MGAT5: variants seen among roughly 807,000 people sequenced by gnomAD.
MGAT5 encodes alpha-1,6-mannosylglycoprotein 6-beta-N-acetylglucosaminyltransferase.
A neutral mutation model predicts 94.3 loss-of-function variants in MGAT5; 30 were observed. That is an observed-to-expected ratio of 0.32 (90% CI 0.24 to 0.43). The LOEUF (loss-of-function observed/expected upper bound fraction) is 0.43. MGAT5 is among the 20% of genes least tolerant of loss of function. MGAT5 has a pLI of 1.00. For missense variants in MGAT5, 691 were observed against 905.5 expected (o/e 0.76, Z 3.04); for synonymous variants, 310 against 322.9 (o/e 0.96, Z 0.43).
At position 134,453,972 on chromosome 2, in the gene MGAT5, GACT is replaced by G. The variant is rs1184247707; in HGVS notation, c.*5126_*5128del. Reference sequence around the variant, plus strand: ...GGTGTGGAATTTGCTGGAGTTTGGTGACTTCGTCAAATTCCTTTGGATTCTGTT... The same window carrying G: ...GGTGTGGAATTTGCTGGAGTTTGGTGTCGTCAAATTCCTTTGGATTCTGTT... On this transcript the variant is annotated 3_prime_UTR_variant, in exon 16 of 16. Transcript: ENST00000281923. The G allele has an allele frequency of 1.3e-5, 2 of 152,200 alleles. No homozygotes were observed. The highest frequency in any genetic ancestry group is 4.8e-5 in the African/African-American group (2 of 41,442). The allele number at this position is 152,200 out of a possible 1,614,324, so 9.4% of individuals were successfully genotyped here.
At chr2:134,183,678 G>A (rs886747342) in intron 1 of MGAT5, among the ~76,000 whole-genome samples, 7 of 152,206 alleles carry the variant, frequency 4.6e-5, no homozygotes, top group African/African-American at 1.7e-4. Context: ...CCTTTGTAAT[G>A]TGGAACTGTT....
At chr2:134,427,192 G>A (rs568985276) in intron 13 of MGAT5, among the ~76,000 whole-genome samples, 10 of 152,294 alleles carry the variant, frequency 6.6e-5, no homozygotes, top group Non-Finnish European at 1.3e-4. Flanking sequence ...TCTCCACCCT[G>A]TAGATCCCAG....
intron 1 of MGAT5, among the ~76,000 whole-genome samples, chr2:134,166,715 G>T (rs536822683): frequency 5.3e-5 from 8 of 152,076 alleles, no homozygotes; most frequent in Non-Finnish European, 1.0e-4. Context: ...GTATAAAAAA[G>T]GTTTTATTTA....
At chr2:134,163,560 A>G (rs1007519175) in intron 1 of MGAT5, among the ~76,000 whole-genome samples, 1 of 152,222 alleles carries the variant, frequency 6.6e-6, no homozygotes, top group Non-Finnish European at 1.5e-5. Flanking sequence ...AAAGGCAGAC[A>G]TCTTACTGAT....
chr2:134,422,744 T>C, intron 12 of MGAT5, 59 bp from the exon 13 acceptor site: 1 of 1,305,884 alleles, frequency 7.7e-7, no homozygotes, highest in Non-Finnish European at 1.1e-6. Flanking sequence ...TAGCACTCCA[T>C]CTAGCACAGG....
chr2:134,319,592 G>A (rs1444280710), intron 4 of MGAT5: 1 of 192,154 alleles, frequency 5.2e-6, no homozygotes, highest in African/African-American at 2.4e-5. Context: ...CATAGGCAGG[G>A]GCTACCACTT....
chr2:134,344,323 G>A (rs1688802593), intron 7 of MGAT5, among the ~76,000 whole-genome samples: 1 of 152,070 alleles, frequency 6.6e-6, no homozygotes, highest in East Asian at 1.9e-4. Context: ...GGTCAAGCGA[G>A]GAGGAAAAAT....
chr2:134,283,645 C>CTTTTTTTTTTTTTT (rs35922830), intron 2 of MGAT5, among the ~76,000 whole-genome samples: 1 of 69,088 alleles, frequency 1.4e-5, no homozygotes, highest in African/African-American at 6.9e-5. Flanking sequence ...AATGTAGTAT[C>CTTTTTTTTTTTTTT]TTTTTTTTTT....
chr2:134,189,607 T>TTTTTTTTGTTTTTTG (rs1689254435), intron 1 of MGAT5, among the ~76,000 whole-genome samples: 1 of 80,618 alleles, frequency 1.2e-5, no homozygotes, highest in Non-Finnish European at 2.3e-5. Flanking sequence ...TTTTTGTTTT[T>TTTTTTTTGTTTTTTG]TTTTTTTTTT....
At chr2:134,233,945 A>T (rs1681500573) in intron 1 of MGAT5, among the ~76,000 whole-genome samples, 1 of 152,226 alleles carries the variant, frequency 6.6e-6, no homozygotes. Context: ...GCAGACTTCT[A>T]AGAGAGGATT....
At chr2:134,235,319 G>T (rs1465060670) in intron 1 of MGAT5, among the ~76,000 whole-genome samples, 1 of 152,110 alleles carries the variant, frequency 6.6e-6, no homozygotes, top group African/African-American at 2.4e-5. Context: ...AGAGTCTCTT[G>T]GGATTGCTTT....
chr2:134,317,124 T>C lies in MGAT5; in HGVS notation c.407-405T>C, dbSNP rs76201469. On this transcript the variant is annotated intron_variant, in intron 2 of 15. Coordinates refer to ENST00000281923, the MANE Select transcript of MGAT5 (RefSeq NM_002410.5). ...CATGCAGTTGTCTTCACGAGGTCTG[T>C]TCATGGCCCCAGCTTGCCCACATAG... 7.9e-3 allele frequency among the ~76,000 whole-genome samples: 1,200 copies of C among 152,282 alleles called. 14 individuals carry two copies. Among genetic ancestry groups the C allele is most frequent in the African/African-American group, 0.028 (1,158 of 41,570 alleles).
chr2:134,204,865 C>T (rs2105298007), intron 1 of MGAT5, among the ~76,000 whole-genome samples: 1 of 152,246 alleles, frequency 6.6e-6, no homozygotes, highest in South Asian at 2.1e-4. Flanking sequence ...TGCTTCAGGT[C>T]TTCCAAAGTG....
chr2:134,233,567 A>C (rs911174562), intron 1 of MGAT5, among the ~76,000 whole-genome samples: 20 of 152,350 alleles, frequency 1.3e-4, no homozygotes, highest in African/African-American at 4.6e-4. Context: ...ACTGCTTTAG[A>C]ATAAAACTAG....
At chr2:134,215,797 G>A (rs1680465671) in intron 1 of MGAT5, among the ~76,000 whole-genome samples, 1 of 152,216 alleles carries the variant, frequency 6.6e-6, no homozygotes, top group African/African-American at 2.4e-5. Flanking sequence ...GTTTTCCTAA[G>A]CAGTTGTATC....
intron 2 of MGAT5, among the ~76,000 whole-genome samples, chr2:134,296,089 G>A (rs1038678275): frequency 3.3e-5 from 5 of 152,230 alleles, no homozygotes; most frequent in Admixed American, 6.5e-5. Context: ...GGCGGTTTAG[G>A]CCAAGAGGTG....
intron 2 of MGAT5, among the ~76,000 whole-genome samples, chr2:134,277,947 C>T (rs1220853765): frequency 6.6e-6 from 1 of 152,146 alleles, no homozygotes; most frequent in Non-Finnish European, 1.5e-5. Flanking sequence ...TCAATAATCT[C>T]TTGGTTGCAA....
intron 2 of MGAT5, among the ~76,000 whole-genome samples, chr2:134,291,291 G>C (rs1316095478): frequency 6.6e-6 from 1 of 152,178 alleles, no homozygotes; most frequent in African/African-American, 2.4e-5. Context: ...ATTGCCCTTA[G>C]AAGAAGACAC....
chr2:134,344,455 C>T (rs965561773), intron 7 of MGAT5, among the ~76,000 whole-genome samples: 1 of 150,130 alleles, frequency 6.7e-6, no homozygotes, highest in African/African-American at 2.5e-5. Flanking sequence ...GGGTGCTAAG[C>T]GGTAAGAACA....
Sources: gnomAD v4.1 joint callset for allele counts (sites outside exome capture counted in the v4.1 genomes callset) on GRCh38, gnomAD v4.1.1 for gene constraint, MANE v1.5 for transcripts, NCBI Gene and HGNC (gene_info 2026-07-23, HGNC 2026-07-21) for gene names.